Variants in VGLL4 observed in about 807,000 individuals in gnomAD.
VGLL4 encodes transcription cofactor vestigial-like protein 4.
VGLL4 carries 7 observed loss-of-function variants against 21.0 expected under a neutral mutation model. The ratio of observed to expected loss-of-function variants is 0.33; its 90% CI spans 0.19 to 0.63. The LOEUF (loss-of-function observed/expected upper bound fraction) is 0.63. VGLL4 is among the 20% of genes least tolerant of loss of function. VGLL4 has a pLI of 0.78. For missense variants in VGLL4, 394 were observed against 425.7 expected, an observed-to-expected ratio of 0.93 and a Z score of 0.66; for synonymous variants, 222 against 173.2, an observed-to-expected ratio of 1.28 and a Z score of -2.21.
At chr3:11,564,405 A>T (rs78332010) in intron 3 of VGLL4, among the ~76,000 whole-genome samples, 1 of 151,098 alleles carries the variant, frequency 6.6e-6, no homozygotes, top group Non-Finnish European at 1.5e-5. Context: ...GAAACGTAGG[A>T]CCCCCCCACC....
At chr3:11,567,038 G>A (rs1423880878) in intron 2 of VGLL4, among the ~76,000 whole-genome samples, 2 of 152,184 alleles carry the variant, frequency 1.3e-5, no homozygotes, top group East Asian at 3.8e-4. Flanking sequence ...CTGCGGCCCA[G>A]TCGGTGAGCT....
In VGLL4 at chr3:11,643,692, A is replaced by C; in HGVS notation, c.-174T>G. ...GTTAAAAAAAAAAAAATCAGGCACAAAAAAATCGAGCTCACACGAAACCCT... is the reference window on the plus strand; with the variant it reads ...GTTAAAAAAAAAAAAATCAGGCACACAAAAATCGAGCTCACACGAAACCCT... On this transcript the variant is annotated 5_prime_UTR_variant, in exon 1 of 5. Transcript: ENST00000430365. 2 of 1,430,892 alleles carry C rather than the reference A, an allele frequency of 1.4e-6. No individual in the cohort carries two copies. The highest frequency in any genetic ancestry group is 1.8e-6 in the Non-Finnish European group (2 of 1,099,084). 88.6% of individuals were successfully genotyped at this position (1,430,892 alleles called of 1,614,324 possible).
chr3:11,614,805 G>GACA (rs1373085706), intron 1 of VGLL4, among the ~76,000 whole-genome samples: 4 of 152,212 alleles, frequency 2.6e-5, no homozygotes, highest in Non-Finnish European at 5.9e-5. Context: ...CAACCCTGAA[G>GACA]ACAAGTAAAG....
upstream of VGLL4, among the ~76,000 whole-genome samples, chr3:11,646,038 G>T (rs1327929884): frequency 6.6e-6 from 1 of 152,172 alleles, no homozygotes; most frequent in Non-Finnish European, 1.5e-5. Flanking sequence ...CGTCATTGCT[G>T]CAACAGTAAT....
At chr3:11,621,823 A>G (rs2075271824) in intron 1 of VGLL4, among the ~76,000 whole-genome samples, 1 of 152,048 alleles carries the variant, frequency 6.6e-6, no homozygotes, top group Admixed American at 6.5e-5. Context: ...CCTCACCAAC[A>G]CTTGTTATTG....
chr3:11,602,171 G>A (rs1024785203), intron 1 of VGLL4, 149 bp from the exon 2 acceptor site: 3 of 652,992 alleles, frequency 4.6e-6, no homozygotes, highest in Admixed American at 3.9e-5. Context: ...GCCATCCTCT[G>A]AACATGGTTT....
chr3:11,644,023 T>C (rs1467333372), upstream of VGLL4: 14 of 979,656 alleles, frequency 1.4e-5, no homozygotes, highest in Non-Finnish European at 1.7e-5. Flanking sequence ...GATCAGCCTC[T>C]CAATGTAGCA....
rs927935421 is a variant in VGLL4 at position 11,569,000 on chromosome 3, A to G, written c.273-3981T>C. ...AGAGAGGCCTACAACACCATCATCC[A>G]GGACAGAGCTTTCTGAGTACTGAAA... On this transcript the variant is annotated intron_variant, in intron 2 of 4. Transcript: ENST00000430365. This position sits in a 1 kb window ranked among gnomAD's most constrained non-coding sequence, Gnocchi z 5.9. 1.3e-5 allele frequency: 13 copies of G among 1,027,228 alleles called. No homozygotes were observed. The highest frequency in any genetic ancestry group is 1.4e-5 in the Non-Finnish European group (12 of 841,210). The allele number at this position is 1,027,228 out of a possible 1,614,324, so 63.6% of individuals were successfully genotyped here.
chr3:11,637,606 C>A (rs1440087534), intron 1 of VGLL4, among the ~76,000 whole-genome samples: 1 of 152,164 alleles, frequency 6.6e-6, no homozygotes, highest in Non-Finnish European at 1.5e-5. Context: ...TTAAAACATT[C>A]TATACATAAT....
At chr3:11,574,785 A>ATGTATGTGTGTGTGTG (rs1553723624) in intron 2 of VGLL4, among the ~76,000 whole-genome samples, 60 of 121,774 alleles carry the variant, frequency 4.9e-4, no homozygotes, top group African/African-American at 1.8e-3. Flanking sequence ...TCAACTATAT[A>ATGTATGTGTGTGTGTG]TGTGTGTGTG....
chr3:11,717,335 C>G lies in VGLL4; in HGVS notation c.-14+3059G>C, dbSNP rs150960439. On this transcript the variant is annotated intron_variant, in intron 1 of 5. Transcript: ENST00000273038. ...TATTGTTAACCTACTCATTATTTTACTAAGGCAAATTAAAAGCTGCACAGC... is the reference window on the plus strand; with the variant it reads ...TATTGTTAACCTACTCATTATTTTAGTAAGGCAAATTAAAAGCTGCACAGC... 3.6e-4 allele frequency among the ~76,000 whole-genome samples: 54 copies of G among 151,876 alleles called. 1 individual carries two copies. The East Asian group carries it at 0.01, about 28-fold the overall frequency.
chr3:11,720,932 T>A (rs2076988368), upstream of VGLL4, among the ~76,000 whole-genome samples: 1 of 152,172 alleles, frequency 6.6e-6, no homozygotes, highest in African/African-American at 2.4e-5. Flanking sequence ...CCCCCCGCCA[T>A]CCCCAGCAAC....
At chr3:11,712,630 TA>T (rs1417210731) in intron 1 of VGLL4, among the ~76,000 whole-genome samples, 6 of 152,198 alleles carry the variant, frequency 3.9e-5, no homozygotes, top group Non-Finnish European at 8.8e-5. Context: ...CAACTAAGAC[TA>T]GAATTCAAGT....
chr3:11,616,156 A>T (rs1345474348), intron 1 of VGLL4, among the ~76,000 whole-genome samples: 3 of 145,246 alleles, frequency 2.1e-5, no homozygotes, highest in African/African-American at 7.7e-5. Context: ...CCCGCCCCTC[A>T]GACTCCACTG....
chr3:11,670,989 A>G (rs2076205028), intron 2 of VGLL4, among the ~76,000 whole-genome samples: 2 of 152,224 alleles, frequency 1.3e-5, no homozygotes, highest in Admixed American at 1.3e-4. Context: ...GTGAGCTGAG[A>G]TCGTGCCATT....
At chr3:11,597,445 T>C (rs2125256649) in intron 2 of VGLL4, among the ~76,000 whole-genome samples, 1 of 152,256 alleles carries the variant, frequency 6.6e-6, no homozygotes, top group Admixed American at 6.5e-5. Context: ...GTGTCATGGA[T>C]AGGTTAATGG....
intron 1 of VGLL4, chr3:11,626,338 G>A (rs1395309631): frequency 2.2e-6 from 1 of 456,690 alleles, no homozygotes; most frequent in Admixed American, 2.3e-5. Context: ...ACCACACAAA[G>A]TCAAAACAAA....
chr3:11,574,718 A>G (rs1242588041), intron 2 of VGLL4, among the ~76,000 whole-genome samples: 1 of 151,952 alleles, frequency 6.6e-6, no homozygotes, highest in African/African-American at 2.4e-5. Context: ...ATCACTCTAC[A>G]TGACACATGT....
chr3:11,592,806 T>A (rs1424611989), intron 2 of VGLL4, among the ~76,000 whole-genome samples: 2 of 152,130 alleles, frequency 1.3e-5, no homozygotes, highest in East Asian at 1.9e-4. Flanking sequence ...AAAGGAGGGA[T>A]AACGATAGTC....
Sources: allele counts gnomAD v4.1 joint callset (sites outside exome capture counted in the v4.1 genomes callset), GRCh38; gene constraint gnomAD v4.1.1; non-coding constraint Gnocchi (gnomAD v3.1); transcripts MANE v1.5; gene names NCBI Gene and HGNC (gene_info 2026-07-23, HGNC 2026-07-21).